Variants in LMAN2L observed in about 807,000 individuals in gnomAD.
LMAN2L encodes lectin, mannose binding 2 like, also known as VIP36-like protein.
Under a neutral mutation model 44.3 loss-of-function variants are expected in LMAN2L, and 30 were observed. The ratio of observed to expected loss-of-function variants is 0.68; its 90% CI spans 0.51 to 0.92. The LOEUF is 0.92. LMAN2L is among the 40% of genes least tolerant of loss of function. The probability of loss-of-function intolerance (pLI) is 0.00; values close to 1 mark genes in which losing one functional copy is unlikely to be tolerated. For synonymous variants in LMAN2L, 183 were observed against 171.1 expected (o/e 1.07, Z -0.54); for missense variants, 429 against 446.1 (o/e 0.96, Z 0.35).
At chr2:96,716,998 T>A (rs2153324358) in intron 4 of LMAN2L, among the ~76,000 whole-genome samples, 1 of 152,146 alleles carries the variant, frequency 6.6e-6, no homozygotes, top group Non-Finnish European at 1.5e-5. Flanking sequence ...GGACAATAGG[T>A]GAAATATGAA....
chr2:96,718,486 G>A (rs1349960423), intron 4 of LMAN2L, among the ~76,000 whole-genome samples: 1 of 151,932 alleles, frequency 6.6e-6, no homozygotes, highest in Non-Finnish European at 1.5e-5. Context: ...TAATTCTCCT[G>A]TAATGTATAT....
intron 4 of LMAN2L, among the ~76,000 whole-genome samples, chr2:96,732,835 G>A (rs1185805534): frequency 6.6e-6 from 1 of 150,534 alleles, no homozygotes; most frequent in East Asian, 2.0e-4. Context: ...GCTGCCCAGG[G>A]GGGAGTGCAA....
rs1181487020 is a variant in LMAN2L, at chr2:96,706,161, T to G, written c.*1095A>C. On this transcript the variant is annotated 3_prime_UTR_variant, in exon 8 of 8. Transcript: ENST00000264963. ...AGTGAACTCTTCCAGGCACAGATGATGAGGGTCTGTTGCTCTCAGACTTGG... is the reference window on the plus strand; with the variant it reads ...AGTGAACTCTTCCAGGCACAGATGAGGAGGGTCTGTTGCTCTCAGACTTGG... 1 of 152,458 alleles carries G rather than the reference T, an allele frequency of 6.6e-6. No homozygotes were observed. Among genetic ancestry groups the G allele is most frequent in the Non-Finnish European group, 1.5e-5 (1 of 68,012 alleles). The allele number at this position is 152,458 out of a possible 1,614,324, so 9.4% of individuals were successfully genotyped here.
At chr2:96,732,521 G>A (rs1489546507) in intron 4 of LMAN2L, among the ~76,000 whole-genome samples, 2 of 151,880 alleles carry the variant, frequency 1.3e-5, no homozygotes, top group African/African-American at 4.8e-5. Flanking sequence ...GCATGCGCCT[G>A]TAGTCCCAGC....
intron 4 of LMAN2L, among the ~76,000 whole-genome samples, chr2:96,720,697 T>C (rs958389928): frequency 3.3e-5 from 5 of 152,016 alleles, no homozygotes; most frequent in African/African-American, 1.2e-4. Flanking sequence ...TCCCAGTGCT[T>C]TGGGAGGCTG....
intron 4 of LMAN2L, among the ~76,000 whole-genome samples, chr2:96,722,849 G>A (rs948092238): frequency 1.3e-5 from 2 of 152,114 alleles, no homozygotes; most frequent in Non-Finnish European, 2.9e-5. Flanking sequence ...GGCAAAACCC[G>A]TATCTACTAA....
intron 4 of LMAN2L, among the ~76,000 whole-genome samples, chr2:96,728,447 A>C (rs2078317723): frequency 6.7e-6 from 1 of 149,346 alleles, no homozygotes; most frequent in Non-Finnish European, 1.5e-5. Flanking sequence ...CGGACCTTGC[A>C]GTGAGCTGAG....
At chr2:96,717,840 T>TAAAAA (rs1302488358) in intron 4 of LMAN2L, among the ~76,000 whole-genome samples, 1 of 122,006 alleles carries the variant, frequency 8.2e-6, no homozygotes, top group Non-Finnish European at 1.7e-5. Flanking sequence ...ACTCTGTCTC[T>TAAAAA]AAAAAAAAAA....
intron 4 of LMAN2L, among the ~76,000 whole-genome samples, chr2:96,716,219 G>GAC (rs2078037953): frequency 1.3e-5 from 2 of 152,244 alleles, no homozygotes; most frequent in East Asian, 3.9e-4. Flanking sequence ...ATACAATAAT[G>GAC]ACAGAACAAT....
chr2:96,719,293 A>T (rs2078102397), intron 4 of LMAN2L, among the ~76,000 whole-genome samples: 1 of 152,176 alleles, frequency 6.6e-6, no homozygotes, highest in East Asian at 1.9e-4. Context: ...AAAGGGTCAA[A>T]GCCCAAAGAA....
intron 4 of LMAN2L, among the ~76,000 whole-genome samples, chr2:96,729,366 A>C (rs1407678637): frequency 6.6e-6 from 1 of 152,152 alleles, no homozygotes; most frequent in Non-Finnish European, 1.5e-5. Context: ...ACAGACACTT[A>C]ACTTCTCTAA....
chr2:96,712,944 G>A (rs1327941024), intron 4 of LMAN2L, among the ~76,000 whole-genome samples: 1 of 152,226 alleles, frequency 6.6e-6, no homozygotes, highest in Non-Finnish European at 1.5e-5. Context: ...CCTTTGGGGA[G>A]TATTTGTCCC....
chr2:96,710,463 G>A (rs1364569739), intron 6 of LMAN2L, among the ~76,000 whole-genome samples: 2 of 152,092 alleles, frequency 1.3e-5, no homozygotes, highest in African/African-American at 4.8e-5. Flanking sequence ...AGGTCGAGAT[G>A]GAGACCATCC....
At chr2:96,724,072 C>A (rs1326973773) in intron 4 of LMAN2L, among the ~76,000 whole-genome samples, 1 of 151,194 alleles carries the variant, frequency 6.6e-6, no homozygotes, top group Non-Finnish European at 1.5e-5. Flanking sequence ...GCACTCCAGC[C>A]TGGGAGACAG....
At chr2:96,729,130 C>T (rs1228013195) in intron 4 of LMAN2L, among the ~76,000 whole-genome samples, 1 of 151,782 alleles carries the variant, frequency 6.6e-6, no homozygotes, top group Non-Finnish European at 1.5e-5. Context: ...TGAGATCGCA[C>T]CACTGCACTC....
At chr2:96,721,615 C>T (rs1406284550) in intron 4 of LMAN2L, among the ~76,000 whole-genome samples, 2 of 152,018 alleles carry the variant, frequency 1.3e-5, no homozygotes, top group East Asian at 1.9e-4. Flanking sequence ...ATCCTCCTGC[C>T]TCAGCCTGCA....
intron 2 of LMAN2L, among the ~76,000 whole-genome samples, chr2:96,735,885 C>T (rs1215470845): frequency 2.0e-5 from 3 of 150,100 alleles, no homozygotes; most frequent in Admixed American, 6.7e-5. Context: ...CAGTAGTTCA[C>T]GCCAGTAATC....
At chr2:96,720,774 A>G (rs923150596) in intron 4 of LMAN2L, among the ~76,000 whole-genome samples, 2 of 152,144 alleles carry the variant, frequency 1.3e-5, no homozygotes, top group African/African-American at 2.4e-5. Flanking sequence ...CCTCGTCTCT[A>G]CTAAAAATAC....
intron 4 of LMAN2L, among the ~76,000 whole-genome samples, chr2:96,720,079 G>GT (rs2078119635): frequency 6.6e-6 from 1 of 152,004 alleles, no homozygotes; most frequent in South Asian, 2.1e-4. Context: ...GGATGGCATG[G>GT]TATTGTTAAA....
Sources: allele counts gnomAD v4.1 joint callset (sites outside exome capture counted in the v4.1 genomes callset), GRCh38; gene constraint gnomAD v4.1.1; transcripts MANE v1.5; gene names NCBI Gene and HGNC (gene_info 2026-07-23, HGNC 2026-07-21).